KLHL3: variants seen among roughly 807,000 people sequenced by gnomAD.
The protein encoded by KLHL3 is kelch-like protein 3.
A neutral mutation model predicts 70.5 loss-of-function variants in KLHL3; 19 were observed. The ratio of observed to expected loss-of-function variants is 0.27; its 90% CI spans 0.19 to 0.40. The LOEUF is 0.40. Among genes scored for constraint, KLHL3 ranks in the 10% least tolerant of loss-of-function variants. KLHL3 has a pLI of 1.00. For synonymous variants in KLHL3, 258 were observed against 290.3 expected (o/e 0.89, Z 1.13); for missense variants, 512 against 771.1 (o/e 0.66, Z 3.98).
At chr5:137,714,192 A>G (rs143290382) in intron 2 of KLHL3, among the ~76,000 whole-genome samples, 1 of 152,228 alleles carries the variant, frequency 6.6e-6, no homozygotes, top group African/African-American at 2.4e-5. Context: ...AACAATAAGA[A>G]GTGTTAGAGA....
intron 4 of KLHL3, chr5:137,692,819 TACACACACACAC>T (rs3045645): frequency 1.3e-4 from 22 of 168,280 alleles, no homozygotes; most frequent in African/African-American, 2.3e-4. Flanking sequence ...AACAAAACTC[TACACACACACAC>T]ACACACACAC....
At chr5:137,663,549 AATTAT>A (rs1293342687) in intron 6 of KLHL3, among the ~76,000 whole-genome samples, 1 of 151,544 alleles carries the variant, frequency 6.6e-6, no homozygotes, top group Non-Finnish European at 1.5e-5. Context: ...TACTTTAAAT[AATTAT>A]ATAAGATTGC....
chr5:137,655,324 C>T (rs901229107), intron 8 of KLHL3, among the ~76,000 whole-genome samples: 1 of 152,128 alleles, frequency 6.6e-6, no homozygotes, highest in Admixed American at 6.6e-5. Context: ...AATAAAATAA[C>T]CTTGAGACAA....
Position 137,639,387 on chromosome 5 carries a change from C to G in KLHL3, c.1022-237G>C, listed in dbSNP as rs1215076959. 6.6e-6 allele frequency among the ~76,000 whole-genome samples: 1 copy of G among 152,034 alleles called. No individual in the cohort carries two copies. Among genetic ancestry groups the G allele is most frequent in the African/African-American group, 2.4e-5 (1 of 41,370 alleles). ...CTCCCCAAGCTCATAAGAACTGACC[C>G]CAAAAGAGCCAAAAACTGTGCAAGT... On this transcript the variant is annotated intron_variant, in intron 9 of 14. Coordinates refer to ENST00000309755, the MANE Select transcript of KLHL3 (RefSeq NM_017415.3). The surrounding 1 kb of genome is among the most constrained non-coding windows in gnomAD (Gnocchi z 5.0).
chr5:137,633,046 C>T (rs1391781509), intron 12 of KLHL3, among the ~76,000 whole-genome samples: 6 of 151,900 alleles, frequency 3.9e-5, no homozygotes, highest in Non-Finnish European at 4.4e-5. Context: ...TTTGAGAGGC[C>T]GAGGCAGGTG....
intron 1 of KLHL3, among the ~76,000 whole-genome samples, chr5:137,731,758 T>G (rs1337002538): frequency 6.6e-6 from 1 of 152,152 alleles, no homozygotes; most frequent in Non-Finnish European, 1.5e-5. Context: ...AATAGACAAT[T>G]AACTTCCCCT....
At chr5:137,669,031 G>A (rs1017337913) in intron 6 of KLHL3, among the ~76,000 whole-genome samples, 2 of 152,072 alleles carry the variant, frequency 1.3e-5, no homozygotes, top group Non-Finnish European at 2.9e-5. Context: ...GCTCTTTCTT[G>A]TAGTTGCTTC....
chr5:137,706,415 G>A (rs1752686649), intron 3 of KLHL3: 3 of 982,194 alleles, frequency 3.1e-6, no homozygotes, highest in South Asian at 9.4e-5. Context: ...AAAGCCAATG[G>A]GCCTTAAAAA....
chr5:137,675,195 A>G (rs1317534796), intron 6 of KLHL3, among the ~76,000 whole-genome samples: 1 of 152,170 alleles, frequency 6.6e-6, no homozygotes, highest in Non-Finnish European at 1.5e-5. Flanking sequence ...TATACTCCAA[A>G]CTCTGGCTAT....
At chr5:137,644,373 T>G (rs1409692696) in intron 8 of KLHL3, among the ~76,000 whole-genome samples, 1 of 152,114 alleles carries the variant, frequency 6.6e-6, no homozygotes, top group Non-Finnish European at 1.5e-5. Flanking sequence ...CCCGGCCTTT[T>G]TATAGTTGAA....
chr5:137,639,022 G>C lies in KLHL3; in HGVS notation c.1150C>G (p.Arg384Gly). 6.2e-7 allele frequency: 1 copy of C among 1,614,130 alleles called. No homozygotes were observed. The highest frequency in any genetic ancestry group is 8.5e-7 in the Non-Finnish European group (1 of 1,180,016). ...WTSIASMQER[R>G]STLGAAVLND... ...AGCACCGCTGCGCCCAGTGTGCTCC[G>C]GCGCTCCTGCATGCTGGCAATGGAC... Residue 384 changes from arginine (R) to glycine (G), a missense_variant, in exon 10 of 15, where the codon CGG becomes GGG. Coordinates refer to ENST00000309755, the MANE Select transcript of KLHL3 (RefSeq NM_017415.3). The surrounding 1 kb of genome is among the most constrained non-coding windows in gnomAD (Gnocchi z 5.0).
At chr5:137,659,030 C>T (rs1580738917) in intron 7 of KLHL3, among the ~76,000 whole-genome samples, 1 of 152,162 alleles carries the variant, frequency 6.6e-6, no homozygotes, top group South Asian at 2.1e-4. Context: ...AAGCATGAAG[C>T]CATTCTGGTG....
In KLHL3 at chr5:137,695,184, G is replaced by A. The variant is rs114593491; in HGVS notation, c.364-2737C>T. On this transcript the variant is annotated intron_variant, in intron 4 of 14. Transcript: ENST00000309755. The stretch of plus-strand genomic sequence containing the variant: ...AATATTTCCTGAATATACTCCTTAG[G>A]TTACACTTTCCATTTTTAAAACCTC... Among the ~76,000 whole-genome samples, 447 of 152,220 alleles carry A rather than the reference G, an allele frequency of 2.9e-3. 4 individuals are homozygous for A. Among genetic ancestry groups the A allele is most frequent in the African/African-American group, 0.01 (429 of 41,518 alleles).
intron 2 of KLHL3, among the ~76,000 whole-genome samples, chr5:137,713,330 G>A (rs1046126059): frequency 1.3e-5 from 2 of 152,006 alleles, no homozygotes; most frequent in African/African-American, 2.4e-5. Flanking sequence ...CTAGTATAAG[G>A]ATAGCTATAT....
At chr5:137,671,983 T>C (rs1751771556) in intron 6 of KLHL3, 1 of 152,216 alleles carries the variant, frequency 6.6e-6, no homozygotes, top group Non-Finnish European at 1.5e-5. Context: ...GAGTGAAACA[T>C]ACCTGGAGAA....
At chr5:137,668,359 C>A (rs773264078) in intron 6 of KLHL3, among the ~76,000 whole-genome samples, 25 of 152,048 alleles carry the variant, frequency 1.6e-4, no homozygotes, top group Non-Finnish European at 3.2e-4. Context: ...TGCAGTGAGC[C>A]GAGATTGCAC....
chr5:137,678,345 T>G lies in KLHL3; in HGVS notation c.527-691A>C, dbSNP rs150997190. Among the ~76,000 whole-genome samples the G allele has an allele frequency of 2.8e-4, 42 of 152,270 alleles. No homozygotes were observed. In the East Asian group the frequency reaches 7.9e-3, roughly 29 times the overall value. On this transcript the variant is annotated intron_variant, in intron 5 of 14. Transcript: ENST00000309755. Reference sequence around the variant, plus strand: ...TAAGATAAAACCCACAGGCCTAAGATCCACAAAAGGGAAATACCAGGGACA... The same window carrying G: ...TAAGATAAAACCCACAGGCCTAAGAGCCACAAAAGGGAAATACCAGGGACA...
chr5:137,667,084 A>T (rs1478710764), intron 6 of KLHL3, among the ~76,000 whole-genome samples: 1 of 152,238 alleles, frequency 6.6e-6, no homozygotes, highest in Non-Finnish European at 1.5e-5. Context: ...TGCTGCCCAC[A>T]GGCCAAATCC....
chr5:137,729,529 G>C (rs1561622612), intron 1 of KLHL3, among the ~76,000 whole-genome samples: 1 of 152,146 alleles, frequency 6.6e-6, no homozygotes, highest in Non-Finnish European at 1.5e-5. Flanking sequence ...GGCCTCCCCC[G>C]TGGTTGTCCT....
Sources: gnomAD v4.1 joint callset for allele counts (sites outside exome capture counted in the v4.1 genomes callset) on GRCh38, gnomAD v4.1.1 for gene constraint, Gnocchi (gnomAD v3.1) non-coding constraint, MANE v1.5 for transcripts, NCBI Gene and HGNC (gene_info 2026-07-23, HGNC 2026-07-21) for gene names.